The following SMARCC1 variants were observed in gnomAD, a reference collection of about 807,000 sequenced individuals.
SMARCC1 encodes the protein SWI/SNF related BAF chromatin remodeling complex subunit C1.
Under a neutral mutation model 147.4 loss-of-function variants are expected in SMARCC1, and 43 were observed. The ratio of observed to expected loss-of-function variants is 0.29; its 90% CI spans 0.23 to 0.38. The LOEUF (loss-of-function observed/expected upper bound fraction) is 0.38. Ranked by LOEUF, SMARCC1 falls within the 10% of genes least tolerant of loss-of-function variation. The pLI is 1.00. For synonymous variants in SMARCC1, 495 were observed against 484.4 expected, an observed-to-expected ratio of 1.02 and a Z score of -0.29; for missense variants, 1,119 against 1,381.1, an observed-to-expected ratio of 0.81 and a Z score of 3.01.
intron 25 of SMARCC1, among the ~76,000 whole-genome samples, chr3:47,615,106 T>A (rs1469844028): frequency 6.6e-6 from 1 of 152,180 alleles, no homozygotes; most frequent in African/African-American, 2.4e-5. Flanking sequence ...CAGAAATCCC[T>A]TCCCTGCCAC....
chr3:47,693,121 A>G, intron 12 of SMARCC1, 120 bp downstream of exon 12: 1 of 706,874 alleles, frequency 1.4e-6, no homozygotes, highest in East Asian at 2.5e-5. Context: ...GGTGAGCTAT[A>G]TTACACCACT....
intron 2 of SMARCC1, among the ~76,000 whole-genome samples, chr3:47,771,546 C>T (rs1311920259): frequency 4.0e-5 from 6 of 151,812 alleles, no homozygotes; most frequent in East Asian, 1.9e-4. Flanking sequence ...TCAAGACCAG[C>T]GGGGCCAACA....
chr3:47,648,945 T>C (rs1003898492), intron 21 of SMARCC1, among the ~76,000 whole-genome samples: 2 of 152,198 alleles, frequency 1.3e-5, no homozygotes, highest in African/African-American at 2.4e-5. Context: ...CAGACAGTTA[T>C]ATTTTGTAAC....
At chr3:47,774,216 T>G (rs1176007519) in intron 1 of SMARCC1, among the ~76,000 whole-genome samples, 1 of 148,336 alleles carries the variant, frequency 6.7e-6, no homozygotes, top group East Asian at 2.0e-4. Flanking sequence ...ACTTACAGCA[T>G]ATAAAAAGGC....
At chr3:47,616,060 A>G (rs1356386257) in intron 25 of SMARCC1, among the ~76,000 whole-genome samples, 1 of 152,230 alleles carries the variant, frequency 6.6e-6, no homozygotes, top group East Asian at 1.9e-4. Context: ...AAAGCTATAA[A>G]TGGAATCAGC....
At chr3:47,598,485 CCTCT>C (rs2032334886) in intron 26 of SMARCC1, among the ~76,000 whole-genome samples, 1 of 152,110 alleles carries the variant, frequency 6.6e-6, no homozygotes, top group South Asian at 2.1e-4. Context: ...CAGGTCTCCT[CCTCT>C]CTCTCTCAAT....
intron 25 of SMARCC1, among the ~76,000 whole-genome samples, chr3:47,617,543 T>C (rs2032663809): frequency 6.6e-6 from 1 of 152,258 alleles, no homozygotes; most frequent in African/African-American, 2.4e-5. Context: ...TTACTATGTA[T>C]GTGCTAGACA....
At chr3:47,727,882 C>T (rs575608119) in intron 6 of SMARCC1, among the ~76,000 whole-genome samples, 4 of 151,752 alleles carry the variant, frequency 2.6e-5, no homozygotes, top group African/African-American at 4.8e-5. Context: ...TGAGCCACAG[C>T]GCCAGGCCTT....
intron 21 of SMARCC1, among the ~76,000 whole-genome samples, chr3:47,640,527 A>C (rs2033035872): frequency 6.6e-6 from 1 of 152,148 alleles, no homozygotes; most frequent in Admixed American, 6.5e-5. Context: ...ATTTTTATCA[A>C]ACTGATTCCA....
intron 15 of SMARCC1, among the ~76,000 whole-genome samples, chr3:47,679,574 A>G (rs1451461634): frequency 6.6e-6 from 1 of 152,192 alleles, no homozygotes; most frequent in Non-Finnish European, 1.5e-5. Flanking sequence ...GAAAGTTGTT[A>G]GGACAGGCCG....
chr3:47,696,079 G>C (rs1189656532), intron 11 of SMARCC1, among the ~76,000 whole-genome samples: 1 of 11,114 alleles, frequency 9.0e-5, no homozygotes, highest in Non-Finnish European at 1.9e-4. Flanking sequence ...AAAAAAAAAG[G>C]GGGGGGGGGG....
At chr3:47,773,874 C>A (rs1001699475) in intron 1 of SMARCC1, among the ~76,000 whole-genome samples, 4 of 152,030 alleles carry the variant, frequency 2.6e-5, no homozygotes, top group Non-Finnish European at 5.9e-5. Flanking sequence ...CCTCATGATC[C>A]GCCCACTTCG....
intron 25 of SMARCC1, among the ~76,000 whole-genome samples, chr3:47,618,772 G>T (rs571650206): frequency 2.6e-5 from 4 of 152,136 alleles, no homozygotes; most frequent in African/African-American, 7.2e-5. Flanking sequence ...TAAAAAACCG[G>T]GGGACCTGCA....
At chr3:47,660,847 G>C (rs140921301) in intron 21 of SMARCC1, among the ~76,000 whole-genome samples, 1 of 152,162 alleles carries the variant, frequency 6.6e-6, no homozygotes, top group East Asian at 1.9e-4. Flanking sequence ...GAAGCTACTA[G>C]GTTATATACT....
At chr3:47,747,450 T>TATAAATATAAATATAAATATAAAC in intron 2 of SMARCC1, among the ~76,000 whole-genome samples, 1 of 143,740 alleles carries the variant, frequency 7.0e-6, no homozygotes, top group South Asian at 2.2e-4. Context: ...AAAATATAAA[T>TATAAATATAAATATAAATATAAAC]ATAAATATAA....
At chr3:47,693,433 G>A in intron 11 of SMARCC1, 133 bp from the exon 12 acceptor site, 1 of 607,792 alleles carries the variant, frequency 1.6e-6, no homozygotes, top group Non-Finnish European at 2.9e-6. Flanking sequence ...ACACTTTCAG[G>A]TAAAAATCAT....
chr3:47,625,262 C>T (rs972266853), intron 24 of SMARCC1, among the ~76,000 whole-genome samples: 7 of 149,856 alleles, frequency 4.7e-5, no homozygotes, highest in Non-Finnish European at 7.4e-5. Context: ...GAGTTTGATA[C>T]CAGCTTGGCC....
intron 9 of SMARCC1, among the ~76,000 whole-genome samples, chr3:47,709,829 A>G (rs1409794870): frequency 6.6e-6 from 1 of 152,188 alleles, no homozygotes; most frequent in Non-Finnish European, 1.5e-5. Flanking sequence ...CCTACCACAC[A>G]AGTTGTCCTT....
Position 47,745,913 on chromosome 3 carries a change from C to A in SMARCC1, c.396G>T (p.Gln132His). 1 of 1,552,060 alleles carries A rather than the reference C, an allele frequency of 6.4e-7. No individual in the cohort carries two copies. ...AAACAAATACAAAAACTTACCATCCCTGTTCATTTTTATACTTGTAAGCAG... is the reference window on the plus strand; with the variant it reads ...AAACAAATACAAAAACTTACCATCCATGTTCATTTTTATACTTGTAAGCAG... Reference protein sequence around the residue: ...LGAAYKYKNEQGWRRFDLQNP... With the variant: ...LGAAYKYKNEHGWRRFDLQNP... Residue 132 changes from glutamine to histidine, a missense_variant, in exon 3 of 28, where the codon CAG becomes CAT. By Grantham distance (24) the Gln-to-His change is conservative (BLOSUM62 0). Coordinates refer to ENST00000254480, the MANE Select transcript of SMARCC1 (RefSeq NM_003074.4).
Sources: gnomAD v4.1 joint callset for allele counts (sites outside exome capture counted in the v4.1 genomes callset) on GRCh38, gnomAD v4.1.1 for gene constraint, MANE v1.5 for transcripts, NCBI Gene and HGNC (gene_info 2026-07-23, HGNC 2026-07-21) for gene names.